Variants in NEIL3 observed in about 807,000 individuals in gnomAD.
The protein encoded by NEIL3 is nei like DNA glycosylase 3, also known as endonuclease 8-like 3.
A neutral mutation model predicts 57.5 loss-of-function variants in NEIL3; 48 were observed. That is an observed-to-expected ratio of 0.83 (90% confidence interval 0.66 to 1.06). The LOEUF (loss-of-function observed/expected upper bound fraction) is 1.06, where lower values mean the gene tolerates loss of function less well. Among genes scored for constraint, NEIL3 ranks in the 50% least tolerant of loss-of-function variants. The probability of loss-of-function intolerance (pLI) is 0.00; values close to 1 mark genes in which losing one functional copy is unlikely to be tolerated. For missense variants in NEIL3, 717 were observed against 739.1 expected (o/e 0.97, Z 0.35); for synonymous variants, 261 against 253.2 (o/e 1.03, Z -0.29).
intron 1 of NEIL3, among the ~76,000 whole-genome samples, chr4:177,316,218 A>G (rs556758613): frequency 6.6e-6 from 1 of 152,326 alleles, no homozygotes; most frequent in Non-Finnish European, 1.5e-5. Context: ...GAAACTACAG[A>G]AAGTGAAACC....
chr4:177,332,282 A>G (rs1352316207), intron 2 of NEIL3, among the ~76,000 whole-genome samples: 1 of 152,166 alleles, frequency 6.6e-6, no homozygotes, highest in African/African-American at 2.4e-5. Flanking sequence ...ATTTTGTGCC[A>G]AAGCCGATTT....
intron 8 of NEIL3, chr4:177,356,852 C>T (rs1376965778): frequency 6.6e-6 from 1 of 152,092 alleles, no homozygotes; most frequent in African/African-American, 2.4e-5. Context: ...GTTGTCGATC[C>T]AATTACTGTA....
At chr4:177,364,982 T>C (rs550183952), downstream of NEIL3, among the ~76,000 whole-genome samples, 5 of 152,198 alleles carry the variant, frequency 3.3e-5, no homozygotes, top group African/African-American at 1.2e-4. Flanking sequence ...GAAAGAGATT[T>C]TGCAATTTGA....
At chr4:177,348,004 GA>G (rs1735259020) in intron 6 of NEIL3, among the ~76,000 whole-genome samples, 1 of 152,130 alleles carries the variant, frequency 6.6e-6, no homozygotes, top group African/African-American at 2.4e-5. Flanking sequence ...GGCTAGATGA[GA>G]AAACTTTTAG....
At chr4:177,366,555 C>T (rs1284026369), downstream of NEIL3, among the ~76,000 whole-genome samples, 10 of 152,154 alleles carry the variant, frequency 6.6e-5, no homozygotes, top group Non-Finnish European at 1.0e-4. Context: ...CCTGCCACCA[C>T]GCCTGGCTAA....
At chr4:177,340,961 C>G (rs528535047) in intron 5 of NEIL3, among the ~76,000 whole-genome samples, 1 of 151,468 alleles carries the variant, frequency 6.6e-6, no homozygotes, top group Non-Finnish European at 1.5e-5. Flanking sequence ...TAATGAATCT[C>G]TAAGGTTAAA....
chr4:177,311,887 A>G (rs1196621912), intron 1 of NEIL3, among the ~76,000 whole-genome samples: 1 of 152,124 alleles, frequency 6.6e-6, no homozygotes, highest in Non-Finnish European at 1.5e-5. Flanking sequence ...AGGGCTAAGC[A>G]ATGGATATGA....
chr4:177,349,034 A>ATTTTTT (rs70938582), intron 6 of NEIL3, among the ~76,000 whole-genome samples: 3 of 100,428 alleles, frequency 3.0e-5, no homozygotes, highest in Non-Finnish European at 3.8e-5. Flanking sequence ...CACCTGGCTA[A>ATTTTTT]TTTTTTTTTT....
At chr4:177,341,778 G>A in intron 6 of NEIL3, 136 bp downstream of exon 6, 1 of 751,304 alleles carries the variant, frequency 1.3e-6, no homozygotes, top group Non-Finnish European at 2.0e-6. Context: ...GTCCTTGAAA[G>A]GAAATAGTAA....
chr4:177,323,337 G>C (rs1255245423), intron 2 of NEIL3, among the ~76,000 whole-genome samples: 1 of 152,164 alleles, frequency 6.6e-6, no homozygotes, highest in African/African-American at 2.4e-5. Flanking sequence ...GCTGTTTAAA[G>C]ATACTGACCA....
Position 177,353,740 on chromosome 4 carries a change from T to C in NEIL3, c.1460+12T>C, listed in dbSNP as rs1382441555. ...GGATATTCTAACAGGTATGATGCTT[T>C]TAACCTTGGTCTTTAAGATAATTGC... On this transcript the variant is annotated intron_variant, in intron 8 of 9. Transcript: ENST00000264596. 6.3e-7 allele frequency: 1 copy of C among 1,587,616 alleles called. No homozygotes were observed. The highest frequency in any genetic ancestry group is 8.5e-7 in the Non-Finnish European group (1 of 1,171,212).
rs757600281 is a variant in NEIL3 at position 177,335,820 on chromosome 4, C to T, written c.411C>T (p.Leu137=). ...GTTTCTTTGACTCATCAGTAGAACT[C>T]AGGTAAAAAAAATTAAATAAAAGTA... is the stretch of plus-strand genomic sequence containing the variant. ...LICFFDSSVE[L]RNSMESQQRI... Residue 137 remains leucine (L), a splice_region_variant and synonymous_variant, in exon 3 of 10, where the codon CTC becomes CTT. Transcript: ENST00000264596. 6 of 1,534,690 alleles carry T rather than the reference C, an allele frequency of 3.9e-6. No individual in the cohort carries two copies. The highest frequency in any genetic ancestry group is 8.7e-7 in the Non-Finnish European group (1 of 1,146,396).
At chr4:177,329,135 A>T (rs891044805) in intron 2 of NEIL3, among the ~76,000 whole-genome samples, 1 of 152,192 alleles carries the variant, frequency 6.6e-6, no homozygotes, top group Non-Finnish European at 1.5e-5. Flanking sequence ...ATAAGCTGCT[A>T]TGGAGATAAA....
chr4:177,349,034 A>ATTTTTTTTTTTTTTTTTTTT (rs70938582), intron 6 of NEIL3, among the ~76,000 whole-genome samples: 1 of 100,458 alleles, frequency 1.0e-5, no homozygotes, highest in African/African-American at 4.1e-5. Flanking sequence ...CACCTGGCTA[A>ATTTTTTTTTTTTTTTTTTTT]TTTTTTTTTT....
chr4:177,337,366 T>G lies in NEIL3; in HGVS notation c.627+1045T>G, dbSNP rs915040375. Among the ~76,000 whole-genome samples the G allele has an allele frequency of 4.5e-4, 68 of 152,338 alleles. 1 individual carries two copies. Among genetic ancestry groups the G allele is most frequent in the South Asian group, 6.2e-4 (3 of 4,830 alleles). On this transcript the variant is annotated intron_variant, in intron 4 of 9. Transcript: ENST00000264596. ...TCTTTTACATAAACCCAGGTTATTTTTTTACTTTGTGTAGATACTTACTAG... is the reference window on the plus strand; with the variant it reads ...TCTTTTACATAAACCCAGGTTATTTGTTTACTTTGTGTAGATACTTACTAG...
chr4:177,348,812 C>T (rs1735284643), intron 6 of NEIL3, among the ~76,000 whole-genome samples: 1 of 142,156 alleles, frequency 7.0e-6, no homozygotes, highest in Non-Finnish European at 1.5e-5. Flanking sequence ...GATGCCATTT[C>T]CTGACATGAG....
downstream of NEIL3, among the ~76,000 whole-genome samples, chr4:177,364,276 C>T (rs918202883): frequency 2.0e-5 from 3 of 152,136 alleles, no homozygotes; most frequent in Admixed American, 6.5e-5. Flanking sequence ...CTCTAGATTC[C>T]GGACAAAATC....
chr4:177,325,056 G>A (rs903931134), intron 2 of NEIL3, among the ~76,000 whole-genome samples: 1 of 152,082 alleles, frequency 6.6e-6, no homozygotes, highest in Non-Finnish European at 1.5e-5. Context: ...GGCTTTTGAA[G>A]TTATATGTGC....
intron 6 of NEIL3, among the ~76,000 whole-genome samples, chr4:177,342,363 A>G (rs1735112052): frequency 6.6e-6 from 1 of 152,256 alleles, no homozygotes; most frequent in East Asian, 1.9e-4. Flanking sequence ...GAGAAAGATT[A>G]TGCAGTAGAA....
Sources: gnomAD v4.1 joint callset for allele counts (sites outside exome capture counted in the v4.1 genomes callset) on GRCh38, gnomAD v4.1.1 for gene constraint, MANE v1.5 for transcripts, NCBI Gene and HGNC (gene_info 2026-07-23, HGNC 2026-07-21) for gene names.